The following MYO6 variants were observed in gnomAD, a reference collection of about 807,000 sequenced individuals.
The protein encoded by MYO6 is unconventional myosin-VI.
In MYO6, 74 loss-of-function variants were observed where a neutral mutation model predicts 178.7. The ratio of observed to expected loss-of-function variants is 0.41; its 90% CI spans 0.34 to 0.50. The LOEUF (loss-of-function observed/expected upper bound fraction) is 0.50. Ranked by LOEUF, MYO6 falls within the 20% of genes least tolerant of loss-of-function variation. MYO6 has a pLI of 0.09. For missense variants in MYO6, 1,330 were observed against 1,547.4 expected, an observed-to-expected ratio of 0.86 and a Z score of 2.36; for synonymous variants, 477 against 504.6, an observed-to-expected ratio of 0.95 and a Z score of 0.73.
chr6:75,782,741 A>G (rs186728909), intron 1 of MYO6, among the ~76,000 whole-genome samples: 54 of 151,410 alleles, frequency 3.6e-4, no homozygotes, highest in Non-Finnish European at 6.3e-4. Context: ...CCCTTTATCT[A>G]TTATTGCTGT....
intron 1 of MYO6, among the ~76,000 whole-genome samples, chr6:75,804,891 CATAT>C (rs58980898): frequency 6.8e-6 from 1 of 147,150 alleles, no homozygotes; most frequent in Admixed American, 6.9e-5. Flanking sequence ...CACACACACA[CATAT>C]ATATACATAT....
chr6:75,772,100 A>G (rs928462630), intron 1 of MYO6, among the ~76,000 whole-genome samples: 2 of 152,176 alleles, frequency 1.3e-5, no homozygotes, highest in African/African-American at 2.4e-5. Flanking sequence ...TGTTGAGTCT[A>G]CTTTTCTGTT....
intron 20 of MYO6, among the ~76,000 whole-genome samples, chr6:75,876,805 G>A (rs910431094): frequency 6.6e-6 from 1 of 151,964 alleles, no homozygotes; most frequent in Admixed American, 6.6e-5. Flanking sequence ...TATAGAATTT[G>A]TTCCAGTCAT....
intron 16 of MYO6, among the ~76,000 whole-genome samples, chr6:75,865,708 G>A (rs183055462): frequency 3.4e-5 from 5 of 145,658 alleles, no homozygotes; most frequent in East Asian, 2.0e-4. Context: ...AGGGTCAGAT[G>A]TGATCTTGTA....
intron 31 of MYO6, 33 bp downstream of exon 31, chr6:75,907,741 T>C: frequency 6.5e-7 from 1 of 1,532,028 alleles, no homozygotes; most frequent in Non-Finnish European, 9.0e-7. Context: ...AAATAGAAAA[T>C]GTTCATAGTG....
At chr6:75,877,265 G>A (rs1441612012) in intron 20 of MYO6, among the ~76,000 whole-genome samples, 1 of 150,766 alleles carries the variant, frequency 6.6e-6, no homozygotes, top group Admixed American at 6.6e-5. Flanking sequence ...GAGCCACCGC[G>A]CCTCGTCTTT....
intron 1 of MYO6, among the ~76,000 whole-genome samples, chr6:75,758,943 C>T (rs892424632): frequency 1.3e-5 from 2 of 151,298 alleles, no homozygotes; most frequent in Non-Finnish European, 2.9e-5. Flanking sequence ...GATCTCAGCT[C>T]ACTGCAATCT....
chr6:75,872,785 GTT>G (rs201325735), intron 19 of MYO6, among the ~76,000 whole-genome samples: 4 of 145,318 alleles, frequency 2.8e-5, no homozygotes, highest in Non-Finnish European at 3.0e-5. Flanking sequence ...AAAATTTTGA[GTT>G]TTTTTTTTTT....
intron 1 of MYO6, among the ~76,000 whole-genome samples, chr6:75,807,335 C>T (rs11967411): frequency 0.037 from 5,628 of 152,110 alleles, 227 homozygotes; most frequent in East Asian, 0.15. Flanking sequence ...TTCTAGTACA[C>T]TGTTGAGGAC....
At chr6:75,841,060 G>A (rs1332279342) in intron 8 of MYO6, among the ~76,000 whole-genome samples, 154 bp from the exon 9 acceptor site, 2 of 152,056 alleles carry the variant, frequency 1.3e-5, no homozygotes, top group Admixed American at 1.3e-4. Context: ...CTGTGCTTAC[G>A]TTTAGTTATT....
rs181054656 is a variant in MYO6 at position 75,763,181 on chromosome 6, G to C, written c.-48+13758G>C. Among the ~76,000 whole-genome samples, 163 of 151,870 alleles carry C rather than the reference G, an allele frequency of 1.1e-3. 2 individuals are homozygous for C. Among genetic ancestry groups the C allele is most frequent in the African/African-American group, 3.8e-3 (156 of 41,400 alleles). On this transcript the variant is annotated intron_variant, in intron 1 of 34. Coordinates refer to ENST00000369977, the MANE Select transcript of MYO6 (RefSeq NM_004999.4). ...AGCTGGGATTACAGGCACCTGCCAC[G>C]CCTGGTTAATTCTTGTATTTTCTTA...
intron 1 of MYO6, among the ~76,000 whole-genome samples, chr6:75,769,738 A>C (rs2150016392): frequency 6.6e-6 from 1 of 152,200 alleles, no homozygotes; most frequent in Non-Finnish European, 1.5e-5. Context: ...GTCTCTACTA[A>C]AAATACGAAA....
chr6:75,857,173 C>G lies in MYO6; in HGVS notation c.1300C>G (p.His434Asp), dbSNP rs1775791682. Residue 434 changes from histidine (H) to aspartate (D), a missense_variant, in exon 13 of 35, where the codon CAT becomes GAT. By Grantham distance (81) the His-to-Asp change is moderately conservative. Transcript: ENST00000369977. ...GACAGTGTATAGCCATCTTTTTGAT[C>G]ATGTGGTAAACAGAGTAAATCAGTG... Reference protein sequence around the residue: ...AKTVYSHLFDHVVNRVNQCFP... With the variant: ...AKTVYSHLFDDVVNRVNQCFP... The G allele has an allele frequency of 1.2e-6, 2 of 1,613,838 alleles. No homozygotes were observed. The highest frequency in any genetic ancestry group is 1.7e-5 in the Admixed American group (1 of 60,002).
At chr6:75,827,203 A>G (rs574036517) in intron 3 of MYO6, among the ~76,000 whole-genome samples, 8 of 152,336 alleles carry the variant, frequency 5.3e-5, no homozygotes, top group Non-Finnish European at 1.0e-4. Flanking sequence ...GGTAAGAACC[A>G]TAAAGAAATT....
chr6:75,830,523 A>G lies in MYO6; in HGVS notation c.369A>G (p.Arg123=), dbSNP rs772783771. 1.2e-6 allele frequency: 2 copies of G among 1,612,096 alleles called. No homozygotes were observed. The highest frequency in any genetic ancestry group is 1.7e-6 in the Non-Finnish European group (2 of 1,178,404). ...ATCAAGGAAAATCTCTTGGGACAAG[A>G]CCACCTCATGTCTTTGCAATTGGTA... ...KSYQGKSLGT[R]PPHVFAIADK... The change falls in exon 5 of 35, where the codon AGA becomes AGG. Residue 123 remains arginine (R), a synonymous_variant. Transcript: ENST00000369977.
Position 75,817,578 on chromosome 6 carries a change from C to T in MYO6, c.31C>T (p.His11Tyr), listed in dbSNP as rs1480880427. The T allele has an allele frequency of 3.1e-6, 5 of 1,614,242 alleles. No homozygotes were observed. Among genetic ancestry groups the T allele is most frequent in the Non-Finnish European group, 3.4e-6 (4 of 1,180,038 alleles). The change falls in exon 2 of 35, where the codon CAC (histidine) becomes TAC (tyrosine). Residue 11 changes from histidine (H) to tyrosine (Y), a missense_variant. His to Tyr is a moderately conservative substitution (Grantham distance 83). Around this residue, in one of 3 missense-constraint regions of MYO6, gnomAD observed 116 missense variants for 104.6 expected, o/e 1.11. Transcript: ENST00000369977. Reference protein sequence around the residue: MEDGKPVWAPHPTDGFQMGNI... With the variant: MEDGKPVWAPYPTDGFQMGNI... ...GGATGGAAAGCCCGTTTGGGCGCCACACCCTACAGATGGATTTCAGATGGG... is the reference window on the plus strand; with the variant it reads ...GGATGGAAAGCCCGTTTGGGCGCCATACCCTACAGATGGATTTCAGATGGG...
intron 9 of MYO6, among the ~76,000 whole-genome samples, chr6:75,844,589 G>T (rs909716759): frequency 6.6e-6 from 1 of 152,050 alleles, no homozygotes; most frequent in African/African-American, 2.4e-5. Context: ...ACTATGTTTA[G>T]ATTTTTGATA....
intron 15 of MYO6, 44 bp from the exon 16 acceptor site, chr6:75,862,552 T>G: frequency 1.3e-6 from 2 of 1,529,596 alleles, no homozygotes; most frequent in Non-Finnish European, 1.8e-6. Flanking sequence ...CTTTAAAATG[T>G]TATGTTTTTA....
chr6:75,840,572 T>G lies in MYO6; in HGVS notation c.554-13T>G. On this transcript the variant is annotated splice_polypyrimidine_tract_variant and intron_variant, in intron 7 of 34. Coordinates refer to ENST00000369977, the MANE Select transcript of MYO6 (RefSeq NM_004999.4). The stretch of plus-strand genomic sequence containing the variant: ...ATGCTAATTTTTTGATGGATTTTTT[T>G]GTTTCTCAATAGCTAACCCACTCCT... 6.3e-7 allele frequency: 1 copy of G among 1,587,936 alleles called. No individual in the cohort carries two copies. The highest frequency in any genetic ancestry group is 1.3e-5 in the African/African-American group (1 of 74,470).
Sources: allele counts gnomAD v4.1 joint callset (sites outside exome capture counted in the v4.1 genomes callset), GRCh38; gene constraint gnomAD v4.1.1; regional missense constraint gnomAD v4.1.1; transcripts MANE v1.5; gene names NCBI Gene and HGNC (gene_info 2026-07-23, HGNC 2026-07-21).